The following FHIT variants were observed in gnomAD, a reference collection of about 807,000 sequenced individuals.
FHIT encodes bis(5'-adenosyl)-triphosphatase.
A neutral mutation model predicts 17.9 loss-of-function variants in FHIT; 19 were observed. The ratio of observed to expected loss-of-function variants is 1.06; its 90% CI spans 0.74 to 1.56. The LOEUF is 1.56. Ranked by LOEUF, FHIT falls within the 40% of genes most tolerant of loss-of-function variation. The pLI, the probability that FHIT is intolerant of heterozygous loss-of-function variation, is 0.00. For missense variants in FHIT, 248 were observed against 189.2 expected (o/e 1.31, Z -1.82); for synonymous variants, 81 against 69.7 (o/e 1.16, Z -0.81).
intron 3 of FHIT, among the ~76,000 whole-genome samples, chr3:60,928,605 AG>A (rs1427637895): frequency 1.3e-5 from 2 of 151,622 alleles, no homozygotes; most frequent in East Asian, 1.9e-4. Context: ...AAAAAAAAAA[AG>A]AAAATCTAGA....
At chr3:61,123,043 C>CAT (rs1269028340) in intron 2 of FHIT, among the ~76,000 whole-genome samples, 1 of 74,594 alleles carries the variant, frequency 1.3e-5, no homozygotes, top group Non-Finnish European at 2.6e-5. Context: ...ACTATAAAGA[C>CAT]ATATGCACAT....
chr3:61,031,025 C>T (rs1268914181), intron 3 of FHIT, among the ~76,000 whole-genome samples: 3 of 152,048 alleles, frequency 2.0e-5, no homozygotes, highest in Non-Finnish European at 2.9e-5. Context: ...TTACATGAAA[C>T]GAAATAAGGG....
chr3:60,887,005 C>A (rs1705254650), intron 3 of FHIT, among the ~76,000 whole-genome samples: 1 of 152,158 alleles, frequency 6.6e-6, no homozygotes, highest in South Asian at 2.1e-4. Flanking sequence ...ACTATATTTG[C>A]AAATGTTATC....
chr3:60,819,929 C>T (rs1553738792), intron 4 of FHIT, among the ~76,000 whole-genome samples: 1 of 152,178 alleles, frequency 6.6e-6, no homozygotes, highest in African/African-American at 2.4e-5. Context: ...AAATAGTCTA[C>T]AGTCCTTTTT....
At chr3:59,901,936 C>T (rs1039076761) in intron 8 of FHIT, among the ~76,000 whole-genome samples, 3 of 152,062 alleles carry the variant, frequency 2.0e-5, no homozygotes, top group South Asian at 2.1e-4. Context: ...CCTAGCCATA[C>T]AATGGAATAT....
At chr3:60,359,891 C>T (rs1051709520) in intron 5 of FHIT, among the ~76,000 whole-genome samples, 2 of 151,128 alleles carry the variant, frequency 1.3e-5, no homozygotes, top group African/African-American at 4.9e-5. Context: ...ATGGGAAATG[C>T]AGGATGTAGC....
intron 5 of FHIT, among the ~76,000 whole-genome samples, chr3:60,525,349 A>G (rs1368792415): frequency 6.6e-6 from 1 of 152,200 alleles, no homozygotes; most frequent in Non-Finnish European, 1.5e-5. Context: ...AATTTATCCC[A>G]TAAATATTTA....
chr3:60,343,596 G>A (rs773019079), intron 5 of FHIT, among the ~76,000 whole-genome samples: 17 of 152,184 alleles, frequency 1.1e-4, no homozygotes, highest in Non-Finnish European at 1.9e-4. Context: ...TTTCCACTAC[G>A]CTTTGCCATC....
chr3:59,902,285 A>G (rs1258215206), intron 8 of FHIT, among the ~76,000 whole-genome samples: 1 of 152,226 alleles, frequency 6.6e-6, no homozygotes, highest in Non-Finnish European at 1.5e-5. Context: ...GCCATTATCA[A>G]AAAGTCAAAA....
At chr3:60,794,610 G>A (rs1700911022) in intron 4 of FHIT, among the ~76,000 whole-genome samples, 1 of 152,170 alleles carries the variant, frequency 6.6e-6, no homozygotes, top group Non-Finnish European at 1.5e-5. Flanking sequence ...GTAGTTAAGA[G>A]TATATTAACA....
chr3:60,558,973 A>G (rs2036838416), intron 4 of FHIT, among the ~76,000 whole-genome samples: 1 of 152,212 alleles, frequency 6.6e-6, no homozygotes, highest in African/African-American at 2.4e-5. Context: ...AATTAGGAGC[A>G]TGAATAACAA....
chr3:59,807,725 T>C (rs1278142653), intron 8 of FHIT, among the ~76,000 whole-genome samples: 1 of 152,078 alleles, frequency 6.6e-6, no homozygotes, highest in South Asian at 2.1e-4. Context: ...AGATGCACAA[T>C]TCTGGGACAC....
intron 8 of FHIT, among the ~76,000 whole-genome samples, chr3:59,764,854 GC>G (rs1445051018): frequency 4.4e-4 from 51 of 116,392 alleles, no homozygotes; most frequent in Admixed American, 1.2e-3. Context: ...GAGATGTAAG[GC>G]AACTGCAAAC....
At chr3:60,046,149 C>T (rs1186065640) in intron 5 of FHIT, among the ~76,000 whole-genome samples, 2 of 152,178 alleles carry the variant, frequency 1.3e-5, no homozygotes, top group African/African-American at 4.8e-5. Context: ...AAAGCAAGTA[C>T]TTAACACAAT....
chr3:60,853,408 G>T (rs1703233591), intron 3 of FHIT, among the ~76,000 whole-genome samples: 1 of 152,006 alleles, frequency 6.6e-6, no homozygotes, highest in African/African-American at 2.4e-5. Flanking sequence ...TGAAGTCATA[G>T]CCCCTGGAAT....
intron 5 of FHIT, among the ~76,000 whole-genome samples, chr3:60,098,595 C>A (rs1413500900): frequency 6.6e-6 from 1 of 152,104 alleles, no homozygotes; most frequent in African/African-American, 2.4e-5. Context: ...TGTTTGAGTT[C>A]ATTGCAGATT....
chr3:60,197,702 T>C (rs976817499), intron 5 of FHIT, among the ~76,000 whole-genome samples: 2 of 152,172 alleles, frequency 1.3e-5, no homozygotes, highest in Non-Finnish European at 2.9e-5. Flanking sequence ...GGGGGTCAAA[T>C]GAAAAACATT....
chr3:59,784,603 C>T (rs1013916049), intron 8 of FHIT, among the ~76,000 whole-genome samples: 2 of 152,202 alleles, frequency 1.3e-5, no homozygotes, highest in East Asian at 1.9e-4. Flanking sequence ...TTACGTAGAA[C>T]GCAGTCACGA....
rs114120961 is a variant in FHIT at position 60,102,294 on chromosome 3, A to C, written c.104-88142T>G. Among the ~76,000 whole-genome samples, 1,291 of 152,312 alleles carry C rather than the reference A, an allele frequency of 8.5e-3. 25 individuals are homozygous for C. Among genetic ancestry groups the C allele is most frequent in the African/African-American group, 0.028 (1,175 of 41,560 alleles). ...CAGCAAAGCCTGCTTAAATATAATA[A>C]CTACAGCTGCATTGCACAGAAGTCC... On this transcript the variant is annotated intron_variant, in intron 5 of 9. Transcript: ENST00000492590.
Sources: allele counts gnomAD v4.1 joint callset (sites outside exome capture counted in the v4.1 genomes callset), GRCh38; gene constraint gnomAD v4.1.1; transcripts MANE v1.5; gene names NCBI Gene and HGNC (gene_info 2026-07-23, HGNC 2026-07-21).